Variants in RAP1GAP2 observed in about 807,000 individuals in gnomAD.
The protein encoded by RAP1GAP2 is RAP1 GTPase activating protein 2, also known as rap1 GTPase-activating protein 2.
Under a neutral mutation model 95.0 loss-of-function variants are expected in RAP1GAP2, and 27 were observed. The ratio of observed to expected loss-of-function variants is 0.28; its 90% CI spans 0.21 to 0.39. RAP1GAP2 has a LOEUF of 0.39. Among genes scored for constraint, RAP1GAP2 ranks in the 10% least tolerant of loss-of-function variants. RAP1GAP2 has a pLI of 1.00. For missense variants in RAP1GAP2, 771 were observed against 970.0 expected (o/e 0.79, Z 2.72); for synonymous variants, 373 against 380.9 (o/e 0.98, Z 0.24).
chr17:2,981,046 C>A, intron 9 of RAP1GAP2, 149 bp from the exon 10 acceptor site: 1 of 644,432 alleles, frequency 1.6e-6, no homozygotes, highest in Non-Finnish European at 2.7e-6. Flanking sequence ...TGCCTGGGCA[C>A]GTGTTAGTGA....
intron 2 of RAP1GAP2, among the ~76,000 whole-genome samples, chr17:2,881,268 A>AG (rs1199158479): frequency 6.6e-6 from 1 of 152,006 alleles, no homozygotes; most frequent in African/African-American, 2.4e-5. Context: ...CTCAAAAAAA[A>AG]AAAAAAGAAA....
chr17:2,895,515 G>A (rs2041789115), intron 2 of RAP1GAP2, among the ~76,000 whole-genome samples: 1 of 152,122 alleles, frequency 6.6e-6, no homozygotes, highest in Non-Finnish European at 1.5e-5. Context: ...ATAAGAGAGT[G>A]TACATGGATC....
chr17:2,934,386 C>G (rs759664108), intron 3 of RAP1GAP2, among the ~76,000 whole-genome samples: 15 of 152,210 alleles, frequency 9.9e-5, no homozygotes, highest in Non-Finnish European at 1.8e-4. Flanking sequence ...CCTACCTTGG[C>G]CTCCCAAAGT....
At chr17:2,800,248 G>T (rs953441317) in intron 1 of RAP1GAP2, 10 of 983,994 alleles carry the variant, frequency 1.0e-5, no homozygotes, top group Non-Finnish European at 1.2e-5. Context: ...CTGGGCCAGT[G>T]ATTTTACCTT....
At chr17:2,911,519 G>A (rs2042381180) in intron 3 of RAP1GAP2, among the ~76,000 whole-genome samples, 1 of 151,920 alleles carries the variant, frequency 6.6e-6, no homozygotes, top group Non-Finnish European at 1.5e-5. Context: ...GAATTGTGCT[G>A]GGTCCCCTGG....
intron 2 of RAP1GAP2, 89 bp downstream of exon 2, chr17:2,800,639 A>G: frequency 7.3e-7 from 1 of 1,368,784 alleles, no homozygotes; most frequent in Non-Finnish European, 1.0e-6. Flanking sequence ...TGGGAGACAC[A>G]AGAGGGGCTG....
At chr17:2,925,710 C>G (rs999611391) in intron 3 of RAP1GAP2, among the ~76,000 whole-genome samples, 3 of 152,178 alleles carry the variant, frequency 2.0e-5, no homozygotes, top group Non-Finnish European at 4.4e-5. Flanking sequence ...CTTGAAGGAG[C>G]TCAGAGTGAG....
chr17:3,027,142 C>T lies in RAP1GAP2; in HGVS notation c.2107+72C>T. On this transcript the variant is annotated intron_variant, in intron 22 of 24. Transcript: ENST00000254695. This position sits in a 1 kb window ranked among gnomAD's most constrained non-coding sequence, Gnocchi z 5.2. ...TGTGCCCTGTCCACTGTTAGCAGGG[C>T]CCCAGCCACGCTGAACTGGCCAGTT... is the stretch of plus-strand genomic sequence containing the variant. 2 of 1,487,476 alleles carry T rather than the reference C, an allele frequency of 1.3e-6. No individual in the cohort carries two copies. The highest frequency in any genetic ancestry group is 1.8e-6 in the Non-Finnish European group (2 of 1,109,322). The allele number at this position is 1,487,476 out of a possible 1,614,324, so 92.1% of individuals were successfully genotyped here.
chr17:2,791,753 C>T (rs2068930069), upstream of RAP1GAP2, among the ~76,000 whole-genome samples: 1 of 152,210 alleles, frequency 6.6e-6, no homozygotes, highest in Non-Finnish European at 1.5e-5. Flanking sequence ...TCCTCCTCTC[C>T]CCGCTGGCTG....
intron 2 of RAP1GAP2, among the ~76,000 whole-genome samples, chr17:2,810,026 C>A (rs754636676): frequency 0.053 from 3,216 of 60,362 alleles, 308 homozygotes; most frequent in African/African-American, 0.15. Flanking sequence ...ACCCTCCCCT[C>A]CCCCCGCCCC....
upstream of RAP1GAP2, among the ~76,000 whole-genome samples, chr17:2,776,823 C>CGGAGAA (rs1555540899): frequency 6.9e-6 from 1 of 144,042 alleles, no homozygotes; most frequent in Non-Finnish European, 1.5e-5. Flanking sequence ...CCCGCCGCCC[C>CGGAGAA]GGAGGAGGAG....
At chr17:2,846,825 C>T (rs2071608047) in intron 2 of RAP1GAP2, among the ~76,000 whole-genome samples, 1 of 152,166 alleles carries the variant, frequency 6.6e-6, no homozygotes, top group African/African-American at 2.4e-5. Flanking sequence ...TATTCCCTCA[C>T]TGTAGTGTCT....
intron 2 of RAP1GAP2, among the ~76,000 whole-genome samples, chr17:2,889,109 C>T (rs78607545): frequency 0.088 from 13,324 of 152,090 alleles, 737 homozygotes; most frequent in African/African-American, 0.16. Flanking sequence ...GCAGTGGGAT[C>T]GCTGGGTCAT....
intron 1 of RAP1GAP2, among the ~76,000 whole-genome samples, chr17:2,783,658 T>C (rs1415863015): frequency 6.6e-6 from 1 of 152,246 alleles, no homozygotes; most frequent in East Asian, 1.9e-4. Context: ...CCAAAGCTTA[T>C]GGCTTAAAAC....
At chr17:3,022,734 T>C (rs1464596069) in intron 19 of RAP1GAP2, among the ~76,000 whole-genome samples, 1 of 152,260 alleles carries the variant, frequency 6.6e-6, no homozygotes, top group East Asian at 1.9e-4. Flanking sequence ...CTTTTTAACT[T>C]GATGTAATCC....
Position 2,855,599 on chromosome 17 carries a change from A to G in RAP1GAP2, c.81-49685A>G, listed in dbSNP as rs992180786. ...TAAACATATGAAGTCACAAGAATTA[A>G]TCTATTTTATTTATTTATTTATTTA... On this transcript the variant is annotated intron_variant, in intron 2 of 24. Transcript: ENST00000254695. The surrounding 1 kb of genome is among the most constrained non-coding windows in gnomAD (Gnocchi z 4.3). 6.6e-6 allele frequency among the ~76,000 whole-genome samples: 1 copy of G among 152,114 alleles called. No individual in the cohort carries two copies. The highest frequency in any genetic ancestry group is 2.4e-5 in the African/African-American group (1 of 41,398).
At chr17:2,926,754 T>C (rs148838874) in intron 3 of RAP1GAP2, among the ~76,000 whole-genome samples, 1,615 of 151,928 alleles carry the variant, frequency 0.011, 21 homozygotes, top group South Asian at 0.031. Context: ...TCTGTAATCC[T>C]AGCACTTTGA....
intron 2 of RAP1GAP2, among the ~76,000 whole-genome samples, chr17:2,806,165 C>A (rs558834909): frequency 1.2e-3 from 181 of 152,242 alleles, no homozygotes; most frequent in Non-Finnish European, 2.0e-3. Context: ...AGATACCACA[C>A]AGCCACCGCT....
rs545952379 is a variant in RAP1GAP2, at chr17:3,011,246, T to TC, written c.1494+3104dup. ...CCCGGCCATTTGTGACCAGCTTTTT[T>TC]CCCTCCCACCTGGGGAGCACGAGCT... On this transcript the variant is annotated intron_variant, in intron 17 of 24. Coordinates refer to ENST00000254695, the MANE Select transcript of RAP1GAP2 (RefSeq NM_015085.5). Among the ~76,000 whole-genome samples the TC allele has an allele frequency of 1.1e-4, 16 of 152,180 alleles. No homozygotes were observed. In the South Asian group the frequency reaches 3.3e-3, roughly 32 times the overall value.
Sources: allele counts gnomAD v4.1 joint callset (sites outside exome capture counted in the v4.1 genomes callset), GRCh38; gene constraint gnomAD v4.1.1; non-coding constraint Gnocchi (gnomAD v3.1); transcripts MANE v1.5; gene names NCBI Gene and HGNC (gene_info 2026-07-23, HGNC 2026-07-21).